Variants in PLAA observed in about 807,000 individuals in gnomAD.
PLAA encodes phospholipase A2 activating protein.
A neutral mutation model predicts 84.1 loss-of-function variants in PLAA; 48 were observed. The ratio of observed to expected loss-of-function variants is 0.57; its 90% CI spans 0.45 to 0.73. The LOEUF (loss-of-function observed/expected upper bound fraction) is 0.73. Among genes scored for constraint, PLAA ranks in the 30% least tolerant of loss-of-function variants. PLAA has a pLI of 0.00. For missense variants in PLAA, 903 were observed against 954.7 expected (o/e 0.95, Z 0.71); for synonymous variants, 392 against 336.6 (o/e 1.16, Z -1.80).
At chr9:26,930,002 C>A (rs1052908889) in intron 2 of PLAA, among the ~76,000 whole-genome samples, 1 of 151,974 alleles carries the variant, frequency 6.6e-6, no homozygotes, top group Non-Finnish European at 1.5e-5. Flanking sequence ...CAGTCACACA[C>A]ATGTTTTTGG....
At position 26,909,843 on chromosome 9, in the gene PLAA, C is replaced by T. The variant is rs545413011; in HGVS notation, c.1657+495G>A. Among the ~76,000 whole-genome samples the T allele has an allele frequency of 1.1e-4, 17 of 152,188 alleles. No individual in the cohort carries two copies. The South Asian group carries it at 2.3e-3, about 20-fold the overall frequency. ...TTCACCATGTTAGCCAGGCTAGTCT[C>T]GAACTCCTGACCTTAGGCAGTCCGC... On this transcript the variant is annotated intron_variant, in intron 12 of 13. Coordinates refer to ENST00000397292, the MANE Select transcript of PLAA (RefSeq NM_001031689.3).
rs149913921 is a variant in PLAA at position 26,929,992 on chromosome 9, C to G, written c.344-1584G>C. ...CAGACAAAACGGTAGCTGACACTTT[C>G]AGTCACACACATGTTTTTGGTGTTT... On this transcript the variant is annotated intron_variant, in intron 2 of 13. Coordinates refer to ENST00000397292, the MANE Select transcript of PLAA (RefSeq NM_001031689.3). Among the ~76,000 whole-genome samples the G allele has an allele frequency of 4.1e-4, 60 of 147,744 alleles. No homozygotes were observed. The East Asian group carries it at 4.1e-3, about 10-fold the overall frequency.
intron 2 of PLAA, among the ~76,000 whole-genome samples, chr9:26,932,941 C>T (rs2131407615): frequency 6.6e-6 from 1 of 152,106 alleles, no homozygotes; most frequent in Admixed American, 6.5e-5. Context: ...TCGAGACCAG[C>T]CTGGCCAACA....
rs1403267164 is a variant in PLAA, at chr9:26,928,386, T to C, written c.366A>G (p.Lys122=). 1.2e-6 allele frequency: 2 copies of C among 1,612,994 alleles called. No individual in the cohort carries two copies. The highest frequency in any genetic ancestry group is 1.7e-6 in the Non-Finnish European group (2 of 1,178,946). The change falls in exon 3 of 14, where the codon AAA becomes AAG. Residue 122 remains lysine, a synonymous_variant. Transcript: ENST00000397292. ...ATGAACCACTAAGTAATGTCCCAAA[T>C]TTTCCAGATGATAGACTACAAACTA... is the stretch of plus-strand genomic sequence containing the variant. ...KNTVCSLSSG[K]FGTLLSGSWD...
intron 4 of PLAA, among the ~76,000 whole-genome samples, chr9:26,927,278 T>C (rs908734815): frequency 2.0e-5 from 3 of 151,802 alleles, no homozygotes; most frequent in Non-Finnish European, 2.9e-5. Flanking sequence ...GCATCACCAC[T>C]CCTGGCGAAT....
intron 2 of PLAA, among the ~76,000 whole-genome samples, chr9:26,934,157 C>G (rs1362320137): frequency 6.6e-6 from 1 of 152,010 alleles, no homozygotes; most frequent in Non-Finnish European, 1.5e-5. Flanking sequence ...AAACATGTTC[C>G]AAACTATTTC....
chr9:26,932,806 A>C (rs377692817), intron 2 of PLAA, among the ~76,000 whole-genome samples: 1 of 152,290 alleles, frequency 6.6e-6, no homozygotes, highest in African/African-American at 2.4e-5. Context: ...TTCTCACACA[A>C]ACACACATAC....
At chr9:26,909,142 A>G (rs746997812) in intron 12 of PLAA, among the ~76,000 whole-genome samples, 1 of 152,194 alleles carries the variant, frequency 6.6e-6, no homozygotes, top group Non-Finnish European at 1.5e-5. Flanking sequence ...CTTTATCTCA[A>G]GAATAAAAAA....
intron 4 of PLAA, among the ~76,000 whole-genome samples, chr9:26,927,760 C>T (rs1392562361): frequency 6.6e-6 from 1 of 152,074 alleles, no homozygotes; most frequent in East Asian, 1.9e-4. Flanking sequence ...ATCAGTAAGG[C>T]TTATGTTTAG....
intron 12 of PLAA, among the ~76,000 whole-genome samples, 200 bp downstream of exon 12, chr9:26,910,138 T>C (rs977298052): frequency 1.3e-5 from 2 of 152,186 alleles, no homozygotes; most frequent in Non-Finnish European, 2.9e-5. Context: ...TACTTTATGT[T>C]TGTGTAAGAC....
rs1276377266 is a variant in PLAA at position 26,905,311 on chromosome 9, C to G, written c.*200G>C. 3 of 537,488 alleles carry G rather than the reference C, an allele frequency of 5.6e-6. No individual in the cohort carries two copies. In the African/African-American group the frequency reaches 5.7e-5, roughly 10 times the overall value. 33.3% of individuals were successfully genotyped at this position (537,488 alleles called of 1,614,324 possible). On this transcript the variant is annotated 3_prime_UTR_variant, in exon 14 of 14. Coordinates refer to ENST00000397292, the MANE Select transcript of PLAA (RefSeq NM_001031689.3). ...AATTTGTGTTCACACTCTTGAAAAT[C>G]TACCCAAATTACACAGGAAAATCTC...
intron 1 of PLAA, among the ~76,000 whole-genome samples, chr9:26,941,559 T>A (rs1404187720): frequency 1.3e-5 from 2 of 151,926 alleles, no homozygotes; most frequent in Non-Finnish European, 2.9e-5. Flanking sequence ...GGGGAAAGCC[T>A]CCAGCATGAA....
chr9:26,906,629 T>C (rs1168876867), intron 13 of PLAA, among the ~76,000 whole-genome samples: 1 of 152,058 alleles, frequency 6.6e-6, no homozygotes, highest in Non-Finnish European at 1.5e-5. Context: ...GGTTTCATCA[T>C]ATTGGTCAGG....
chr9:26,915,841 C>T, intron 10 of PLAA: 1 of 985,350 alleles, frequency 1.0e-6, no homozygotes, highest in Non-Finnish European at 1.2e-6. Context: ...TATGTTCTTT[C>T]TGTTCCAGAA....
intron 10 of PLAA, 49 bp downstream of exon 10, chr9:26,917,048 T>G (rs1289762467): frequency 7.0e-6 from 10 of 1,435,246 alleles, no homozygotes; most frequent in Non-Finnish European, 9.8e-6. Context: ...TGATGCAAGA[T>G]GCTATACATT....
At chr9:26,927,255 G>T (rs1563914399) in intron 4 of PLAA, among the ~76,000 whole-genome samples, 1 of 151,354 alleles carries the variant, frequency 6.6e-6, no homozygotes, top group Non-Finnish European at 1.5e-5. Context: ...CGAATAGCTG[G>T]GATTACAGGT....
intron 1 of PLAA, among the ~76,000 whole-genome samples, chr9:26,945,976 C>T (rs1200925344): frequency 6.6e-6 from 1 of 152,168 alleles, no homozygotes; most frequent in Non-Finnish European, 1.5e-5. Flanking sequence ...TCTATCTTCC[C>T]CATCAGACTG....
chr9:26,942,919 C>T (rs1825587147), intron 1 of PLAA, among the ~76,000 whole-genome samples: 6 of 143,928 alleles, frequency 4.2e-5, no homozygotes, highest in Admixed American at 3.5e-4. Context: ...AAGATGCATA[C>T]GTGATGGGGT....
chr9:26,922,359 T>G (rs924204962), intron 7 of PLAA, among the ~76,000 whole-genome samples: 1 of 152,072 alleles, frequency 6.6e-6, no homozygotes, highest in Non-Finnish European at 1.5e-5. Flanking sequence ...AGCCCCTGGC[T>G]TGATTTACAT....
Sources: allele counts gnomAD v4.1 joint callset (sites outside exome capture counted in the v4.1 genomes callset), GRCh38; gene constraint gnomAD v4.1.1; transcripts MANE v1.5; gene names NCBI Gene and HGNC (gene_info 2026-07-23, HGNC 2026-07-21).